SYNPO2: variants seen among roughly 807,000 people sequenced by gnomAD.
The protein encoded by SYNPO2 is synaptopodin-2.
In SYNPO2, 56 loss-of-function variants were observed where a neutral mutation model predicts 85.0. That is an observed-to-expected ratio of 0.66 (90% CI 0.53 to 0.82). The LOEUF (loss-of-function observed/expected upper bound fraction) is 0.82. Among genes scored for constraint, SYNPO2 ranks in the 40% least tolerant of loss-of-function variants. The pLI is 0.00. For missense variants in SYNPO2, 1,575 were observed against 1,534.2 expected, an observed-to-expected ratio of 1.03 and a Z score of -0.44; for synonymous variants, 602 against 591.1, an observed-to-expected ratio of 1.02 and a Z score of -0.27.
At chr4:118,977,238 C>G (rs186160236) in intron 1 of SYNPO2, among the ~76,000 whole-genome samples, 3 of 152,202 alleles carry the variant, frequency 2.0e-5, no homozygotes, top group Admixed American at 6.5e-5. Flanking sequence ...AGCGCAGCGC[C>G]GGTGGGCCAG....
intron 1 of SYNPO2, among the ~76,000 whole-genome samples, chr4:118,900,776 T>TATCTA (rs1732727500): frequency 6.8e-6 from 1 of 147,790 alleles, no homozygotes; most frequent in South Asian, 2.2e-4. Context: ...TCTATCTATC[T>TATCTA]ATCTATCTAT....
chr4:118,919,018 A>G (rs932682435), intron 1 of SYNPO2, among the ~76,000 whole-genome samples: 1 of 152,238 alleles, frequency 6.6e-6, no homozygotes, highest in Non-Finnish European at 1.5e-5. Context: ...TAAAAATTCT[A>G]TGGCAGCACC....
chr4:119,030,078 G>A lies in SYNPO2; in HGVS notation c.1303G>A (p.Val435Ile), dbSNP rs1282898518. 6.2e-7 allele frequency: 1 copy of A among 1,614,162 alleles called. No individual in the cohort carries two copies. The highest frequency in any genetic ancestry group is 2.2e-5 in the East Asian group (1 of 44,866). ...AGGTGACAAGGAGGATACATGTGAA[G>A]TAGCATTTCTTGGTGCAAGCGAATC... ...EEGDKEDTCE[V>I]AFLGASESEV... Residue 435 changes from valine to isoleucine, a missense_variant, in exon 4 of 5, where the codon GTA becomes ATA. Transcript: ENST00000307142.
intron 1 of SYNPO2, among the ~76,000 whole-genome samples, chr4:119,012,760 G>T (rs1345450160): frequency 1.3e-5 from 2 of 152,130 alleles, no homozygotes; most frequent in Non-Finnish European, 2.9e-5. Context: ...GTATTCCACG[G>T]TGTATATGTG....
At chr4:118,883,356 G>A (rs1019843508) in intron 1 of SYNPO2, among the ~76,000 whole-genome samples, 56 of 152,052 alleles carry the variant, frequency 3.7e-4, no homozygotes, top group Non-Finnish European at 5.9e-5. Flanking sequence ...TTTTTTGAGT[G>A]AAAATTGAAT....
intron 1 of SYNPO2, among the ~76,000 whole-genome samples, chr4:118,853,529 T>C (rs542685224): frequency 7.4e-6 from 1 of 134,418 alleles, no homozygotes; most frequent in Non-Finnish European, 1.7e-5. Context: ...AACTCTCATC[T>C]TAACCCATAT....
At chr4:118,876,685 CTTTCTTTCTTTCTT>C (rs1731924476) in intron 1 of SYNPO2, among the ~76,000 whole-genome samples, 12 of 74,298 alleles carry the variant, frequency 1.6e-4, no homozygotes, top group Admixed American at 1.5e-3. Flanking sequence ...TTCTTTCTTT[CTTTCTTTCTTTCTT>C]TCTTTCTTTC....
chr4:118,987,582 T>C (rs1309076944), intron 1 of SYNPO2, among the ~76,000 whole-genome samples: 1 of 151,656 alleles, frequency 6.6e-6, no homozygotes, highest in Non-Finnish European at 1.5e-5. Flanking sequence ...GAGGATCACT[T>C]GAGCCCTGGA....
At chr4:118,876,459 GT>G (rs2110575657) in intron 1 of SYNPO2, among the ~76,000 whole-genome samples, 2 of 152,134 alleles carry the variant, frequency 1.3e-5, no homozygotes, top group South Asian at 4.1e-4. Context: ...AAACTCTTTT[GT>G]TTACTTATGT....
chr4:119,022,956 T>C (rs574685069), intron 1 of SYNPO2, among the ~76,000 whole-genome samples: 22 of 151,740 alleles, frequency 1.4e-4, no homozygotes, highest in Non-Finnish European at 2.8e-4. Flanking sequence ...TTTGTACTTG[T>C]TAGTAGAGAC....
chr4:118,983,986 C>T lies in SYNPO2; in HGVS notation c.106-39444C>T, dbSNP rs529596806. 7.3e-4 allele frequency among the ~76,000 whole-genome samples: 111 copies of T among 152,304 alleles called. 1 individual carries two copies. Among genetic ancestry groups the T allele is most frequent in the South Asian group, 1.2e-3 (6 of 4,830 alleles). On this transcript the variant is annotated intron_variant, in intron 1 of 4. Transcript: ENST00000307142. ...TTCCCCTTTGTCATTTGTAAGTTGACTGGACATGGGGAGCAGAGGATTATG... is the reference window on the plus strand; with the variant it reads ...TTCCCCTTTGTCATTTGTAAGTTGATTGGACATGGGGAGCAGAGGATTATG...
At chr4:118,865,636 A>T (rs1731687416) in intron 1 of SYNPO2, among the ~76,000 whole-genome samples, 1 of 152,212 alleles carries the variant, frequency 6.6e-6, no homozygotes, top group East Asian at 1.9e-4. Context: ...ACTGAAACAG[A>T]TGCTAGGGTA....
chr4:118,883,112 C>T (rs1732138777), intron 1 of SYNPO2, among the ~76,000 whole-genome samples: 1 of 151,558 alleles, frequency 6.6e-6, no homozygotes, highest in South Asian at 2.1e-4. Context: ...TTTGATGGCC[C>T]AAAAGGACAG....
intron 1 of SYNPO2, among the ~76,000 whole-genome samples, chr4:118,940,089 G>A (rs909088598): frequency 2.7e-5 from 4 of 150,598 alleles, no homozygotes; most frequent in Non-Finnish European, 2.9e-5. Flanking sequence ...GGGTTCAAGC[G>A]ATTCTCCTGC....
chr4:118,900,703 C>CTCTCTCTCTATATATATATATATATA (rs1277981772), intron 1 of SYNPO2, among the ~76,000 whole-genome samples: 2 of 43,900 alleles, frequency 4.6e-5, no homozygotes, highest in African/African-American at 7.9e-5. Flanking sequence ...CTCTCTCTCT[C>CTCTCTCTCTATATATATATATATATA]TATATATATA....
At position 119,060,741 on chromosome 4, in the gene SYNPO2, T is replaced by C. The variant is rs1739385964; in HGVS notation, c.*2807T>C. 6.6e-6 allele frequency: 1 copy of C among 152,214 alleles called. No homozygotes were observed. Among genetic ancestry groups the C allele is most frequent in the Non-Finnish European group, 1.5e-5 (1 of 68,018 alleles). The allele number at this position is 152,214 out of a possible 1,614,324, so 9.4% of individuals were successfully genotyped here. ...AAAAGCCTTCCCTAAAAAGAGAGCA[T>C]GCCAGTCATAGAGACACTAATTTGG... On this transcript the variant is annotated 3_prime_UTR_variant, in exon 5 of 5. Coordinates refer to ENST00000307142, the MANE Select transcript of SYNPO2 (RefSeq NM_133477.3).
chr4:118,995,634 A>C (rs1392746428), intron 1 of SYNPO2, among the ~76,000 whole-genome samples: 1 of 152,184 alleles, frequency 6.6e-6, no homozygotes, highest in Non-Finnish European at 1.5e-5. Flanking sequence ...CTTCAGAGTC[A>C]AATTATAAGC....
intron 1 of SYNPO2, among the ~76,000 whole-genome samples, chr4:118,931,949 C>T (rs934822310): frequency 2.6e-5 from 4 of 152,134 alleles, no homozygotes; most frequent in South Asian, 4.1e-4. Flanking sequence ...TTCTGAATAC[C>T]GTCACTGCTT....
intron 1 of SYNPO2, among the ~76,000 whole-genome samples, chr4:118,932,376 T>TA (rs995236112): frequency 8.5e-5 from 13 of 152,216 alleles, no homozygotes. Context: ...CCTTCAGAGT[T>TA]ACAGCAGAGT....
Sources: gnomAD v4.1 joint callset for allele counts (sites outside exome capture counted in the v4.1 genomes callset) on GRCh38, gnomAD v4.1.1 for gene constraint, MANE v1.5 for transcripts, NCBI Gene and HGNC (gene_info 2026-07-23, HGNC 2026-07-21) for gene names.